The following SYT17 variants were observed in gnomAD, a reference collection of about 807,000 sequenced individuals.
SYT17 encodes the protein synaptotagmin 17, also known as synaptotagmin-17.
In SYT17, 22 loss-of-function variants were observed where a neutral mutation model predicts 46.7. The ratio of observed to expected loss-of-function variants is 0.47; its 90% CI spans 0.34 to 0.67. The LOEUF is 0.67. Ranked by LOEUF, SYT17 falls within the 30% of genes least tolerant of loss-of-function variation. The pLI is 0.01. For missense variants in SYT17, 519 were observed against 612.8 expected (o/e 0.85, Z 1.62); for synonymous variants, 251 against 248.4 (o/e 1.01, Z -0.10).
At chr16:19,182,867 C>T (rs563376769) in intron 4 of SYT17, among the ~76,000 whole-genome samples, 123 of 152,348 alleles carry the variant, frequency 8.1e-4, no homozygotes, top group African/African-American at 2.7e-3. Flanking sequence ...CATTCTGTGC[C>T]ATGCTCTTTT....
intron 7 of SYT17, among the ~76,000 whole-genome samples, chr16:19,234,037 T>G (rs1293674452): frequency 6.6e-6 from 1 of 152,186 alleles, no homozygotes; most frequent in African/African-American, 2.4e-5. Context: ...TTTCACCTTT[T>G]GGCCATTCAC....
intron 5 of SYT17, among the ~76,000 whole-genome samples, chr16:19,204,473 G>A (rs1965590121): frequency 6.6e-6 from 1 of 152,090 alleles, no homozygotes; most frequent in African/African-American, 2.4e-5. Flanking sequence ...GCGTTGAGGT[G>A]CTTGCTGGTT....
intron 5 of SYT17, among the ~76,000 whole-genome samples, chr16:19,208,884 C>CTGTTTTTTTT (rs1965775865): frequency 1.6e-5 from 1 of 63,284 alleles, no homozygotes; most frequent in African/African-American, 7.1e-5. Context: ...CAAGGACCTT[C>CTGTTTTTTTT]TTTTTTTTTT....
At chr16:19,235,670 C>T (rs1567225398) in intron 7 of SYT17, among the ~76,000 whole-genome samples, 1 of 152,104 alleles carries the variant, frequency 6.6e-6, no homozygotes, top group East Asian at 1.9e-4. Context: ...TAACCATGCT[C>T]CACGAAGTAA....
chr16:19,172,368 TC>T (rs1428388358), intron 1 of SYT17: 1 of 1,393,024 alleles, frequency 7.2e-7, no homozygotes, highest in Non-Finnish European at 9.2e-7. Flanking sequence ...GCTAATCATG[TC>T]CTTTTGGGTT....
intron 5 of SYT17, among the ~76,000 whole-genome samples, chr16:19,217,656 C>T (rs1966147130): frequency 6.6e-6 from 1 of 152,168 alleles, no homozygotes; most frequent in African/African-American, 2.4e-5. Context: ...CTGCTATGAA[C>T]ATCTGCGTAC....
intron 3 of SYT17, among the ~76,000 whole-genome samples, chr16:19,178,816 T>C (rs1964428544): frequency 6.6e-6 from 1 of 152,072 alleles, no homozygotes; most frequent in African/African-American, 2.4e-5. Context: ...CACCAGCTGT[T>C]TTTCTACCTC....
intron 7 of SYT17, among the ~76,000 whole-genome samples, chr16:19,247,709 C>A (rs1455077278): frequency 1.3e-5 from 2 of 152,104 alleles, no homozygotes; most frequent in East Asian, 1.9e-4. Context: ...TTTTATCATC[C>A]CTCTTTACCT....
At chr16:19,233,405 ACTTTGGGAGG>A (rs1966775835) in intron 7 of SYT17, among the ~76,000 whole-genome samples, 1 of 152,036 alleles carries the variant, frequency 6.6e-6, no homozygotes, top group Admixed American at 6.6e-5. Flanking sequence ...TAATCCCAGT[ACTTTGGGAGG>A]CCGAGGCAGG....
At chr16:19,251,456 C>T (rs66804767) in intron 7 of SYT17, among the ~76,000 whole-genome samples, 15,053 of 152,236 alleles carry the variant, frequency 0.099, 1,619 homozygotes, top group East Asian at 0.35. Flanking sequence ...ATTCCCTCTC[C>T]GTAACCACCA....
chr16:19,234,292 C>T (rs1425584315), intron 7 of SYT17, among the ~76,000 whole-genome samples: 3 of 152,078 alleles, frequency 2.0e-5, no homozygotes, highest in Non-Finnish European at 4.4e-5. Flanking sequence ...CACCACTGCA[C>T]TCCAGCCTGG....
At chr16:19,199,850 G>A (rs1965394257) in intron 5 of SYT17, among the ~76,000 whole-genome samples, 1 of 152,224 alleles carries the variant, frequency 6.6e-6, no homozygotes, top group Non-Finnish European at 1.5e-5. Context: ...AACTGACTTT[G>A]GCAGCTTAAG....
chr16:19,192,562 G>GA (rs1466817573), intron 5 of SYT17, among the ~76,000 whole-genome samples: 2 of 152,138 alleles, frequency 1.3e-5, no homozygotes, highest in East Asian at 3.9e-4. Flanking sequence ...GTTTCTACAG[G>GA]AAAAAGGGAG....
Position 19,243,806 on chromosome 16 carries a change from G to A in SYT17, c.1228+18968G>A, listed in dbSNP as rs950587295. On this transcript the variant is annotated intron_variant, in intron 7 of 7. Transcript: ENST00000355377. ...GCACTCCAGCCTGGGCAACAAGAGC[G>A]AAAAAACTCCATCAAAAAAAAAAAA... Among the ~76,000 whole-genome samples, 6 of 73,608 alleles carry A rather than the reference G, an allele frequency of 8.2e-5. No individual in the cohort carries two copies. The East Asian group carries it at 9.8e-4, about 12-fold the overall frequency. 48.3% of individuals were successfully genotyped at this position (73,608 alleles called of 152,430 possible).
In SYT17 at chr16:19,183,855, C is replaced by T. The variant is rs756126766; in HGVS notation, c.659C>T (p.Ser220Leu). 2.6e-5 allele frequency: 42 copies of T among 1,614,038 alleles called. No individual in the cohort carries two copies. The East Asian group carries it at 4.7e-4, about 18-fold the overall frequency. ...DLPPPISHDG[S>L]RQDMAHSNPY... Reference sequence around the variant, plus strand: ...CCACCTCCCATCTCCCACGATGGCTCGCGCCAGGACATGGCGCACTCCAAC... The same window carrying T: ...CCACCTCCCATCTCCCACGATGGCTTGCGCCAGGACATGGCGCACTCCAAC... Residue 220 changes from serine (S) to leucine (L), a missense_variant, in exon 5 of 8, where the codon TCG becomes TTG. Physicochemically the swap from Ser to Leu is moderately radical, Grantham distance 145. Transcript: ENST00000355377. The surrounding 1 kb of genome is among the most constrained non-coding windows in gnomAD (Gnocchi z 5.6).
chr16:19,178,497 G>A (rs894245643), intron 3 of SYT17, among the ~76,000 whole-genome samples: 1 of 151,674 alleles, frequency 6.6e-6, no homozygotes, highest in Non-Finnish European at 1.5e-5. Context: ...TCGCCATGTC[G>A]GCCGGGTTGG....
At chr16:19,200,071 C>T (rs964858883) in intron 5 of SYT17, among the ~76,000 whole-genome samples, 2 of 152,228 alleles carry the variant, frequency 1.3e-5, no homozygotes, top group East Asian at 1.9e-4. Context: ...TCATGTCAGA[C>T]TCTCTAGGAG....
At chr16:19,226,293 G>C (rs1439652754) in intron 7 of SYT17, among the ~76,000 whole-genome samples, 1 of 152,078 alleles carries the variant, frequency 6.6e-6, no homozygotes, top group Non-Finnish European at 1.5e-5. Context: ...ACTGGGGATC[G>C]ACATCATCCT....
chr16:19,212,099 A>G (rs1965925402), intron 5 of SYT17, among the ~76,000 whole-genome samples: 1 of 152,114 alleles, frequency 6.6e-6, no homozygotes, highest in Non-Finnish European at 1.5e-5. Context: ...TGGACATTTG[A>G]CGATGTCTGG....
Sources: gnomAD v4.1 joint callset for allele counts (sites outside exome capture counted in the v4.1 genomes callset) on GRCh38, gnomAD v4.1.1 for gene constraint, Gnocchi (gnomAD v3.1) non-coding constraint, MANE v1.5 for transcripts, NCBI Gene and HGNC (gene_info 2026-07-23, HGNC 2026-07-21) for gene names.